The following RELN variants were observed in gnomAD, a reference collection of about 807,000 sequenced individuals.
RELN encodes reelin.
A neutral mutation model predicts 427.6 loss-of-function variants in RELN; 108 were observed. The observed-to-expected ratio is 0.25, with a 90% CI of 0.22 to 0.30. The LOEUF is 0.30. Among genes scored for constraint, RELN ranks in the 10% least tolerant of loss-of-function variants. The probability of loss-of-function intolerance (pLI) is 1.00; values close to 1 mark genes in which losing one functional copy is unlikely to be tolerated. For missense variants in RELN, 3,715 were observed against 4,302.8 expected (o/e 0.86, Z 3.82); for synonymous variants, 1,524 against 1,513.4 (o/e 1.01, Z -0.16).
intron 6 of RELN, among the ~76,000 whole-genome samples, chr7:103,749,030 C>A (rs1211048102): frequency 1.3e-5 from 2 of 152,112 alleles, no homozygotes; most frequent in African/African-American, 4.8e-5. Flanking sequence ...CTGGAGTATA[C>A]ATAATGAGTT....
At chr7:103,936,712 GCA>G (rs71154380) in intron 1 of RELN, among the ~76,000 whole-genome samples, 50 of 139,910 alleles carry the variant, frequency 3.6e-4, no homozygotes, top group Admixed American at 8.2e-4. Flanking sequence ...AAATTCCTAC[GCA>G]CACACACACA....
chr7:103,515,527 A>G (rs1584256014), intron 49 of RELN, 86 bp from the exon 50 acceptor site: 2 of 1,551,354 alleles, frequency 1.3e-6, no homozygotes. Context: ...CAGCCATAAG[A>G]TAATGTATGT....
Position 103,563,219 on chromosome 7 carries a change from T to C in RELN, c.5211-1266A>G, listed in dbSNP as rs942373147. On this transcript the variant is annotated intron_variant, in intron 34 of 64. Coordinates refer to ENST00000428762, the MANE Select transcript of RELN (RefSeq NM_005045.4). The surrounding 1 kb of genome is among the most constrained non-coding windows in gnomAD (Gnocchi z 4.1). ...AGGTTTGTTATCCTAAATACAGTGA[T>C]GTGCTGCATAATGACGTTTCTGTCG... is the stretch of plus-strand genomic sequence containing the variant. Among the ~76,000 whole-genome samples, 4 of 152,230 alleles carry C rather than the reference T, an allele frequency of 2.6e-5. No individual in the cohort carries two copies. The highest frequency in any genetic ancestry group is 4.4e-5 in the Non-Finnish European group (3 of 68,040).
intron 2 of RELN, among the ~76,000 whole-genome samples, chr7:103,897,399 G>C (rs1049874710): frequency 1.3e-5 from 2 of 151,968 alleles, no homozygotes; most frequent in African/African-American, 4.8e-5. Context: ...TTGTGTGTTC[G>C]TCTTCTGTGC....
intron 59 of RELN, 76 bp downstream of exon 59, chr7:103,490,592 T>G: frequency 6.8e-7 from 1 of 1,476,124 alleles, no homozygotes; most frequent in Non-Finnish European, 9.5e-7. Flanking sequence ...ACACTGTCAG[T>G]TGTTTTCAGC....
chr7:103,735,338 T>G (rs959238200), intron 6 of RELN, among the ~76,000 whole-genome samples: 38 of 152,160 alleles, frequency 2.5e-4, no homozygotes, highest in Non-Finnish European at 4.6e-4. Context: ...GAGAGTATAC[T>G]TCTGAAGATA....
intron 2 of RELN, among the ~76,000 whole-genome samples, chr7:103,870,036 C>G (rs1311299698): frequency 6.6e-6 from 1 of 152,014 alleles, no homozygotes; most frequent in African/African-American, 2.4e-5. Context: ...TCCAATGAAC[C>G]CTTCATTCCA....
chr7:103,589,455 T>C lies in RELN; in HGVS notation c.4145+141A>G, dbSNP rs572204048. The C allele has an allele frequency of 1.6e-4, 108 of 669,420 alleles. 1 individual carries two copies. In the South Asian group the frequency reaches 1.7e-3, roughly 10 times the overall value. 41.5% of individuals were successfully genotyped at this position (669,420 alleles called of 1,614,324 possible). A position where few individuals can be genotyped will look rare whatever the true frequency, so the allele number is the denominator to read the frequency against. On this transcript the variant is annotated intron_variant, in intron 28 of 64. Coordinates refer to ENST00000428762, the MANE Select transcript of RELN (RefSeq NM_005045.4). ...CTCAGATAAATCCCCTTTTAAGATA[T>C]AAATAAATGTTTTAAAAATTATTTT...
At chr7:103,773,436 T>TCTCTCTCTCCCTCTCTCCCTCC (rs1791654759) in intron 4 of RELN, among the ~76,000 whole-genome samples, 2 of 120,864 alleles carry the variant, frequency 1.7e-5, no homozygotes, top group African/African-American at 5.7e-5. Flanking sequence ...CCTCTCTCTC[T>TCTCTCTCTCCCTCTCTCCCTCC]CTCTCTCTCC....
At chr7:103,659,919 T>C (rs1833101160) in intron 12 of RELN, among the ~76,000 whole-genome samples, 1 of 152,182 alleles carries the variant, frequency 6.6e-6, no homozygotes, top group African/African-American at 2.4e-5. Flanking sequence ...CTTACTGTTT[T>C]AATTGAATGA....
chr7:103,643,271 T>G (rs1040184141), intron 16 of RELN, among the ~76,000 whole-genome samples: 1 of 152,098 alleles, frequency 6.6e-6, no homozygotes, highest in Admixed American at 6.6e-5. Context: ...TCCCTTCTCC[T>G]CTCTTTCTCC....
chr7:103,818,466 A>AC (rs1792933842), intron 3 of RELN, among the ~76,000 whole-genome samples: 1 of 152,186 alleles, frequency 6.6e-6, no homozygotes, highest in African/African-American at 2.4e-5. Flanking sequence ...CAGGACTCTT[A>AC]CTGTTAAAAG....
intron 6 of RELN, among the ~76,000 whole-genome samples, chr7:103,745,158 C>G (rs1790784425): frequency 1.3e-5 from 2 of 152,018 alleles, no homozygotes; most frequent in Non-Finnish European, 2.9e-5. Context: ...GAACCAAAGA[C>G]AAAAACCCCA....
intron 11 of RELN, among the ~76,000 whole-genome samples, chr7:103,677,704 T>TGCA (rs953741332): frequency 1.2e-4 from 16 of 136,816 alleles, no homozygotes; most frequent in Non-Finnish European, 2.3e-4. Context: ...AGGCGGAGGT[T>TGCA]GCAGTAAGCT....
chr7:103,651,280 C>G (rs890228311), intron 15 of RELN, among the ~76,000 whole-genome samples: 8 of 152,092 alleles, frequency 5.3e-5, no homozygotes, highest in African/African-American at 1.9e-4. Flanking sequence ...AGTGGAAAGT[C>G]AGGGAGAGTA....
intron 2 of RELN, among the ~76,000 whole-genome samples, chr7:103,886,648 C>T (rs1264809192): frequency 6.6e-6 from 1 of 152,134 alleles, no homozygotes; most frequent in Admixed American, 6.6e-5. Context: ...ATCTAAAAAA[C>T]AGCTGTGAGA....
At chr7:103,514,985 A>T (rs1216292671) in intron 50 of RELN, among the ~76,000 whole-genome samples, 200 bp downstream of exon 50, 1 of 152,192 alleles carries the variant, frequency 6.6e-6, no homozygotes, top group Non-Finnish European at 1.5e-5. Flanking sequence ...AAAACACACT[A>T]GCTGGCTTGA....
intron 1 of RELN, among the ~76,000 whole-genome samples, chr7:103,952,769 G>A (rs1474325521): frequency 6.6e-6 from 1 of 152,138 alleles, no homozygotes; most frequent in African/African-American, 2.4e-5. Context: ...TCGGGAAATT[G>A]CATTTAAAAT....
chr7:103,476,573 T>A (rs188658497), intron 64 of RELN: 1 of 167,468 alleles, frequency 6.0e-6, no homozygotes, highest in Admixed American at 6.2e-5. Context: ...TAAAAATCTT[T>A]TGAGTCAGTT....
Sources: gnomAD v4.1 joint callset for allele counts (sites outside exome capture counted in the v4.1 genomes callset) on GRCh38, gnomAD v4.1.1 for gene constraint, Gnocchi (gnomAD v3.1) non-coding constraint, MANE v1.5 for transcripts, NCBI Gene and HGNC (gene_info 2026-07-23, HGNC 2026-07-21) for gene names.